The following TEX14 variants were observed in gnomAD, a reference collection of about 807,000 sequenced individuals.
TEX14 encodes the protein inactive serine/threonine-protein kinase TEX14.
A neutral mutation model predicts 178.6 loss-of-function variants in TEX14; 168 were observed. The ratio of observed to expected loss-of-function variants is 0.94; its 90% CI spans 0.83 to 1.07. The LOEUF is 1.07. Among genes scored for constraint, TEX14 ranks in the 50% least tolerant of loss-of-function variants. The probability of loss-of-function intolerance (pLI) is 0.00; values close to 1 mark genes in which losing one functional copy is unlikely to be tolerated. For missense variants in TEX14, 1,730 were observed against 1,753.6 expected (o/e 0.99, Z 0.24); for synonymous variants, 626 against 634.1 (o/e 0.99, Z 0.19).
intron 21 of TEX14, among the ~76,000 whole-genome samples, chr17:58,576,251 C>T (rs908997225): frequency 2.0e-5 from 3 of 152,250 alleles, no homozygotes; most frequent in South Asian, 4.1e-4. Flanking sequence ...TTTGGGAGGC[C>T]GAGGCAGGTG....
chr17:58,622,424 C>A (rs1357417919), intron 4 of TEX14, among the ~76,000 whole-genome samples: 13 of 147,358 alleles, frequency 8.8e-5, no homozygotes, highest in Non-Finnish European at 1.9e-4. Context: ...CCAGCCTGGG[C>A]AAGACTCCTT....
intron 1 of TEX14, among the ~76,000 whole-genome samples, chr17:58,653,367 C>T (rs564520436): frequency 5.6e-4 from 85 of 152,172 alleles, no homozygotes; most frequent in South Asian, 6.2e-4. Context: ...CCAAATGTGA[C>T]AGCCACACCT....
chr17:58,600,227 A>G (rs1215388505), intron 13 of TEX14, among the ~76,000 whole-genome samples: 2 of 152,202 alleles, frequency 1.3e-5, no homozygotes, highest in Non-Finnish European at 2.9e-5. Flanking sequence ...TGAGCATCTG[A>G]TAACAGTAGC....
chr17:58,583,044 C>A (rs2144402762), intron 19 of TEX14, among the ~76,000 whole-genome samples: 1 of 150,968 alleles, frequency 6.6e-6, no homozygotes, highest in East Asian at 2.0e-4. Context: ...AATGACAGCT[C>A]ACTGCAGCCT....
At chr17:58,598,477 G>T (rs2045346539) in intron 14 of TEX14, among the ~76,000 whole-genome samples, 1 of 152,064 alleles carries the variant, frequency 6.6e-6, no homozygotes, top group South Asian at 2.1e-4. Context: ...GCCAATACTT[G>T]ACCATTTTAA....
At chr17:58,610,698 C>G (rs1479715739) in intron 10 of TEX14, among the ~76,000 whole-genome samples, 2 of 152,076 alleles carry the variant, frequency 1.3e-5, no homozygotes, top group Admixed American at 6.6e-5. Context: ...CCAGCCTGGC[C>G]AACATGGTGA....
In TEX14 at chr17:58,655,724, C is replaced by T. The variant is rs185025016; in HGVS notation, c.-1-3722G>A. On this transcript the variant is annotated intron_variant, in intron 1 of 31. Transcript: ENST00000349033. The stretch of plus-strand genomic sequence containing the variant: ...ACAGAATGTCAGAACCCTGACATTT[C>T]GGCACCCCGAGACGAGCCCTCCTTT... Among the ~76,000 whole-genome samples the T allele has an allele frequency of 1.4e-4, 22 of 152,276 alleles. No individual in the cohort carries two copies. In the East Asian group the frequency reaches 2.7e-3, roughly 19 times the overall value.
intron 5 of TEX14, among the ~76,000 whole-genome samples, chr17:58,618,988 C>G (rs1170813156): frequency 6.6e-6 from 1 of 152,198 alleles, no homozygotes; most frequent in African/African-American, 2.4e-5. Context: ...GGCCACTTTT[C>G]AACACCAAAT....
At chr17:58,618,322 G>A (rs1486741143) in intron 5 of TEX14, among the ~76,000 whole-genome samples, 1 of 152,072 alleles carries the variant, frequency 6.6e-6, no homozygotes, top group African/African-American at 2.4e-5. Flanking sequence ...CATTATATAG[G>A]CAAAAAAATG....
At chr17:58,631,501 T>C (rs1394241811) in intron 2 of TEX14, 2 of 151,986 alleles carry the variant, frequency 1.3e-5, no homozygotes, top group African/African-American at 2.4e-5. Flanking sequence ...AAAAGCACTC[T>C]GCACAATCCT....
At chr17:58,586,806 TC>T (rs1222530794) in intron 17 of TEX14, among the ~76,000 whole-genome samples, 1 of 151,962 alleles carries the variant, frequency 6.6e-6, no homozygotes, top group East Asian at 1.9e-4. Context: ...TCTCCCCGCA[TC>T]TGCATGGGTT....
chr17:58,588,141 T>G, intron 15 of TEX14, 120 bp from the exon 16 acceptor site: 1 of 619,816 alleles, frequency 1.6e-6, no homozygotes, highest in Non-Finnish European at 2.9e-6. Context: ...AACCCGCAGT[T>G]GAAGCGCAGT....
chr17:58,660,409 T>A (rs1296341849), intron 1 of TEX14: 1 of 395,158 alleles, frequency 2.5e-6, no homozygotes, highest in South Asian at 1.2e-4. Context: ...CTCAAAAAAA[T>A]AAATAAAATA....
At chr17:58,580,399 T>G (rs1174467602) in intron 19 of TEX14, among the ~76,000 whole-genome samples, 1 of 151,962 alleles carries the variant, frequency 6.6e-6, no homozygotes, top group Non-Finnish European at 1.5e-5. Flanking sequence ...GCACCCTCTG[T>G]CCCCCGGGTT....
At chr17:58,589,642 C>A (rs2045075384) in intron 15 of TEX14, among the ~76,000 whole-genome samples, 3 of 146,080 alleles carry the variant, frequency 2.1e-5, no homozygotes, top group Admixed American at 7.1e-5. Flanking sequence ...TCCAGCTGGA[C>A]CAGAAAGCAG....
intron 20 of TEX14, among the ~76,000 whole-genome samples, chr17:58,577,983 C>A (rs970876870): frequency 6.6e-6 from 1 of 152,188 alleles, no homozygotes; most frequent in Non-Finnish European, 1.5e-5. Flanking sequence ...AGTTACTCCT[C>A]CCCAGTTCTC....
chr17:58,678,154 G>C (rs2047426138), intron 1 of TEX14, among the ~76,000 whole-genome samples: 1 of 151,738 alleles, frequency 6.6e-6, no homozygotes, highest in South Asian at 2.1e-4. Flanking sequence ...CAACTCAAGG[G>C]GGAAAAAAAA....
rs372587989 is a variant in TEX14, at chr17:58,579,778, C to G, written c.3172-47G>C. 2.1e-6 allele frequency: 3 copies of G among 1,417,232 alleles called. No homozygotes were observed. The African/African-American group carries it at 4.2e-5, about 20-fold the overall frequency. 87.8% of individuals were successfully genotyped at this position (1,417,232 alleles called of 1,614,324 possible). A position where few individuals can be genotyped will look rare whatever the true frequency, so the allele number is the denominator to read the frequency against. ...GCAAAGAAAGGAGGTTCACTGGAGG[C>G]AGACATATTAAAAGGTCAATAATTT... On this transcript the variant is annotated intron_variant, in intron 19 of 31. Transcript: ENST00000349033.
chr17:58,642,542 T>A (rs963891535), intron 2 of TEX14, among the ~76,000 whole-genome samples: 1 of 151,992 alleles, frequency 6.6e-6, no homozygotes, highest in African/African-American at 2.4e-5. Flanking sequence ...ATTTATTTTT[T>A]TTTTTATGGA....
Sources: gnomAD v4.1 joint callset for allele counts (sites outside exome capture counted in the v4.1 genomes callset) on GRCh38, gnomAD v4.1.1 for gene constraint, MANE v1.5 for transcripts, NCBI Gene and HGNC (gene_info 2026-07-23, HGNC 2026-07-21) for gene names.